The following GRID2 variants were observed in gnomAD, a reference collection of about 807,000 sequenced individuals.
GRID2 encodes the protein glutamate receptor ionotropic, delta-2.
A neutral mutation model predicts 114.8 loss-of-function variants in GRID2; 33 were observed. The observed-to-expected ratio is 0.29, with a 90% confidence interval of 0.22 to 0.38. GRID2 has a LOEUF of 0.38. Ranked by LOEUF, GRID2 falls within the 10% of genes least tolerant of loss-of-function variation. The pLI is 1.00. For missense variants in GRID2, 1,184 were observed against 1,257.7 expected, an observed-to-expected ratio of 0.94 and a Z score of 0.89; for synonymous variants, 505 against 449.9, an observed-to-expected ratio of 1.12 and a Z score of -1.55.
At chr4:93,229,198 G>A (rs1745838053) in intron 7 of GRID2, among the ~76,000 whole-genome samples, 1 of 152,094 alleles carries the variant, frequency 6.6e-6, no homozygotes, top group Admixed American at 6.6e-5. Flanking sequence ...TCATATGAGT[G>A]TTTTTGGTCA....
chr4:93,189,289 C>G (rs564266347), intron 4 of GRID2, among the ~76,000 whole-genome samples: 12 of 152,218 alleles, frequency 7.9e-5, no homozygotes, highest in Admixed American at 7.9e-4. Flanking sequence ...ATCAAGGTGC[C>G]AACAGATTCC....
intron 2 of GRID2, 35 bp from the exon 3 acceptor site, chr4:93,084,960 A>G (rs369834628): frequency 2.5e-5 from 40 of 1,575,588 alleles, no homozygotes; most frequent in Non-Finnish European, 3.3e-5. Context: ...TGTGAAACCC[A>G]CTGACATTTT....
At chr4:93,449,202 T>G (rs1047074664) in intron 10 of GRID2, among the ~76,000 whole-genome samples, 3 of 151,816 alleles carry the variant, frequency 2.0e-5, no homozygotes, top group African/African-American at 7.2e-5. Flanking sequence ...AGGAAACAGT[T>G]TAGTAAGTTA....
At chr4:92,983,081 T>C (rs1754314677) in intron 2 of GRID2, among the ~76,000 whole-genome samples, 2 of 152,076 alleles carry the variant, frequency 1.3e-5, no homozygotes, top group South Asian at 2.1e-4. Flanking sequence ...TGAAAACTAA[T>C]GGTGGTTTTA....
intron 2 of GRID2, among the ~76,000 whole-genome samples, chr4:92,937,571 A>G (rs2149529749): frequency 6.8e-6 from 1 of 146,524 alleles, no homozygotes; most frequent in South Asian, 2.3e-4. Context: ...CCATATATTT[A>G]TATTTATGTC....
intron 2 of GRID2, among the ~76,000 whole-genome samples, chr4:93,056,790 A>G (rs1727288653): frequency 6.6e-6 from 1 of 151,904 alleles, no homozygotes. Flanking sequence ...CTTGCCCTCA[A>G]GTTTCTCACC....
chr4:92,440,932 A>T (rs1013060968), intron 1 of GRID2, among the ~76,000 whole-genome samples: 2 of 152,110 alleles, frequency 1.3e-5, no homozygotes, highest in African/African-American at 4.8e-5. Context: ...CAGAAAGTAT[A>T]TGAATCAGGT....
chr4:93,405,007 G>T (rs1398249452), intron 9 of GRID2, among the ~76,000 whole-genome samples: 2 of 152,038 alleles, frequency 1.3e-5, no homozygotes, highest in African/African-American at 2.4e-5. Flanking sequence ...GACTATGAAG[G>T]TAATATTGTA....
chr4:93,486,281 T>C (rs1026021039), intron 11 of GRID2, among the ~76,000 whole-genome samples: 1 of 151,668 alleles, frequency 6.6e-6, no homozygotes, highest in African/African-American at 2.4e-5. Flanking sequence ...ACATACATAT[T>C]CATATCATCA....
At chr4:93,430,377 C>T (rs1017697544) in intron 10 of GRID2, among the ~76,000 whole-genome samples, 6 of 152,220 alleles carry the variant, frequency 3.9e-5, no homozygotes, top group East Asian at 3.9e-4. Context: ...GACAGAGTTT[C>T]GCCATGTTGG....
chr4:92,763,726 T>A lies in GRID2; in HGVS notation c.244+173440T>A, dbSNP rs114645339. Among the ~76,000 whole-genome samples, 1,456 of 152,154 alleles carry A rather than the reference T, an allele frequency of 9.6e-3. 27 individuals carry two copies. Among genetic ancestry groups the A allele is most frequent in the African/African-American group, 0.033 (1,375 of 41,498 alleles). On this transcript the variant is annotated intron_variant, in intron 2 of 15. Transcript: ENST00000282020. ...TGGGGATACGAATTAAGTGACAGAG[T>A]TAGCTATAGGGTTATTTGAGGTTAA... is the stretch of plus-strand genomic sequence containing the variant.
At chr4:92,818,159 CTG>C (rs1226343536) in intron 2 of GRID2, among the ~76,000 whole-genome samples, 1 of 152,132 alleles carries the variant, frequency 6.6e-6, no homozygotes, top group Admixed American at 6.6e-5. Flanking sequence ...TAAACTTCAA[CTG>C]TGAACTTTAT....
intron 2 of GRID2, among the ~76,000 whole-genome samples, chr4:92,910,509 G>C (rs1199576241): frequency 6.6e-6 from 1 of 152,092 alleles, no homozygotes; most frequent in Admixed American, 6.6e-5. Flanking sequence ...AGAGACAGTA[G>C]GCCACTAAGA....
At chr4:93,654,401 TTGAC>T (rs1315138597) in intron 14 of GRID2, among the ~76,000 whole-genome samples, 4 of 152,306 alleles carry the variant, frequency 2.6e-5, no homozygotes, top group African/African-American at 9.6e-5. Flanking sequence ...AGTTCATACT[TTGAC>T]TGCTCAGCTA....
chr4:93,043,811 G>A (rs1009431621), intron 2 of GRID2, among the ~76,000 whole-genome samples: 1 of 151,994 alleles, frequency 6.6e-6, no homozygotes, highest in African/African-American at 2.4e-5. Context: ...TATACCTAAT[G>A]TAAATGATGA....
chr4:92,486,981 G>T (rs1722929132), intron 1 of GRID2, among the ~76,000 whole-genome samples: 1 of 151,650 alleles, frequency 6.6e-6, no homozygotes, highest in African/African-American at 2.4e-5. Flanking sequence ...CAAACATATT[G>T]ATATACATTT....
At position 93,518,018 on chromosome 4, in the gene GRID2, T is replaced by C. The variant is rs1327786958; in HGVS notation, c.2193+2607T>C. Among the ~76,000 whole-genome samples the C allele has an allele frequency of 2.8e-3, 106 of 37,456 alleles. 1 individual carries two copies. The highest frequency in any genetic ancestry group is 4.4e-3 in the Non-Finnish European group (64 of 14,626). The allele number at this position is 37,456 out of a possible 152,430, so 24.6% of individuals were successfully genotyped here. A position where few individuals can be genotyped will look rare whatever the true frequency, so the allele number is the denominator to read the frequency against. On this transcript the variant is annotated intron_variant, in intron 13 of 15. Coordinates refer to ENST00000282020, the MANE Select transcript of GRID2 (RefSeq NM_001510.4). ...ATACATGTATATGTATGTATATACA[T>C]ACATGTACATGTATGTATATATACG...
intron 2 of GRID2, among the ~76,000 whole-genome samples, chr4:93,004,253 G>T (rs746975208): frequency 6.6e-6 from 1 of 151,588 alleles, no homozygotes; most frequent in African/African-American, 2.4e-5. Context: ...TTTGATCATG[G>T]TCTAATGACC....
At chr4:92,603,084 A>G (rs62310148) in intron 2 of GRID2, among the ~76,000 whole-genome samples, 8,736 of 152,266 alleles carry the variant, frequency 0.057, 288 homozygotes, top group East Asian at 0.12. Flanking sequence ...TTCCATGCTC[A>G]TGGATAGGAA....
Sources: gnomAD v4.1 joint callset for allele counts (sites outside exome capture counted in the v4.1 genomes callset) on GRCh38, gnomAD v4.1.1 for gene constraint, MANE v1.5 for transcripts, NCBI Gene and HGNC (gene_info 2026-07-23, HGNC 2026-07-21) for gene names.